MLPH: variants seen among roughly 807,000 people sequenced by gnomAD.
MLPH encodes melanophilin, also known as exophilin-3.
Under a neutral mutation model 72.1 loss-of-function variants are expected in MLPH, and 51 were observed. That is an observed-to-expected ratio of 0.71 (90% CI 0.56 to 0.89). MLPH has a LOEUF of 0.89. MLPH is among the 40% of genes least tolerant of loss of function. The probability of loss-of-function intolerance (pLI) is 0.00; values close to 1 mark genes in which losing one functional copy is unlikely to be tolerated. For missense variants in MLPH, 743 were observed against 759.9 expected, an observed-to-expected ratio of 0.98 and a Z score of 0.26; for synonymous variants, 301 against 310.1, an observed-to-expected ratio of 0.97 and a Z score of 0.31.
chr2:237,530,701 G>T (rs67192671), intron 8 of MLPH, among the ~76,000 whole-genome samples: 23,470 of 152,174 alleles, frequency 0.15, 2,034 homozygotes, highest in South Asian at 0.31. Context: ...TTATGGCCGC[G>T]TCACCCATTG....
chr2:237,541,276 A>C lies in MLPH; in HGVS notation c.1446+319A>C, dbSNP rs2080676106. On this transcript the variant is annotated intron_variant, in intron 11 of 15. Transcript: ENST00000264605. This position sits in a 1 kb window ranked among gnomAD's most constrained non-coding sequence, Gnocchi z 5.1. The stretch of plus-strand genomic sequence containing the variant: ...ATGGGGGCCTAGAAGCAGGCCTGGA[A>C]TTTAGGACAGCCCCAGACCTCAGCA... Among the ~76,000 whole-genome samples, 1 of 152,158 alleles carries C rather than the reference A, an allele frequency of 6.6e-6. No homozygotes were observed. The highest frequency in any genetic ancestry group is 2.4e-5 in the African/African-American group (1 of 41,430).
At chr2:237,553,071 T>G (rs2149169269) in intron 15 of MLPH, 1 of 467,828 alleles carries the variant, frequency 2.1e-6, no homozygotes, top group African/African-American at 2.0e-5. Flanking sequence ...GTTTTCCCAT[T>G]GGTTACTTGG....
In MLPH at chr2:237,541,894, A is replaced by G. The variant is rs1273222854; in HGVS notation, c.1447-673A>G. On this transcript the variant is annotated intron_variant, in intron 11 of 15. Transcript: ENST00000264605. This position sits in a 1 kb window ranked among gnomAD's most constrained non-coding sequence, Gnocchi z 5.1. Reference sequence around the variant, plus strand: ...TTGAGATAAGGCAGTCAGGAGGGATACTAGGAAAGTAAGCCAGCCTGGCAA... The same window carrying G: ...TTGAGATAAGGCAGTCAGGAGGGATGCTAGGAAAGTAAGCCAGCCTGGCAA... Among the ~76,000 whole-genome samples the G allele has an allele frequency of 6.6e-6, 1 of 152,260 alleles. No homozygotes were observed. Among genetic ancestry groups the G allele is most frequent in the African/African-American group, 2.4e-5 (1 of 41,476 alleles).
At chr2:237,551,386 G>A (rs773313387) in intron 14 of MLPH, among the ~76,000 whole-genome samples, 10 of 152,382 alleles carry the variant, frequency 6.6e-5, no homozygotes, top group South Asian at 2.1e-4. Context: ...GTTCTGTGGC[G>A]TAAATGCTCC....
chr2:237,492,741 G>T (rs989921378), intron 1 of MLPH, among the ~76,000 whole-genome samples: 1 of 152,172 alleles, frequency 6.6e-6, no homozygotes, highest in Non-Finnish European at 1.5e-5. Context: ...CAGGCATCAG[G>T]CTCATATGAC....
rs139236543 is a variant in MLPH at position 237,516,939 on chromosome 2, GGATAGGTGGATA to G, written c.446-1598_446-1587del. On this transcript the variant is annotated intron_variant, in intron 4 of 15. Transcript: ENST00000264605. ...AGGATGGATGGATGGATGGATGGAT[GGATAGGTGGATA>G]GGTGGATAGATAGGTGGATGGATGG... Among the ~76,000 whole-genome samples, 17 of 145,654 alleles carry G rather than the reference GGATAGGTGGATA, an allele frequency of 1.2e-4. 1 individual carries two copies. The East Asian group carries it at 1.8e-3, about 15-fold the overall frequency.
At chr2:237,525,064 G>A (rs927668594) in intron 6 of MLPH, among the ~76,000 whole-genome samples, 6 of 152,236 alleles carry the variant, frequency 3.9e-5, no homozygotes, top group Non-Finnish European at 5.9e-5. Context: ...ATTGCTTCTT[G>A]AAGCCCTCAG....
chr2:237,494,403 TG>T (rs2079493278), intron 2 of MLPH, among the ~76,000 whole-genome samples: 1 of 146,518 alleles, frequency 6.8e-6, no homozygotes, highest in South Asian at 2.2e-4. Context: ...ATGTAACAGG[TG>T]GGGGGCATGG....
At chr2:237,489,279 T>C (rs2079381666) in intron 1 of MLPH, among the ~76,000 whole-genome samples, 1 of 152,146 alleles carries the variant, frequency 6.6e-6, no homozygotes, top group Non-Finnish European at 1.5e-5. Flanking sequence ...TACCACCAAC[T>C]CCCCAGAGAA....
At position 237,488,937 on chromosome 2, in the gene MLPH, C is replaced by T. The variant is rs543854541; in HGVS notation, c.-25+1500C>T. On this transcript the variant is annotated intron_variant, in intron 1 of 15. Transcript: ENST00000264605. ...TTTTCAGAAGCAACCTCTGGAGGAACAGTCTTTGCCCCTACTCCTCCCCAC... is the reference window on the plus strand; with the variant it reads ...TTTTCAGAAGCAACCTCTGGAGGAATAGTCTTTGCCCCTACTCCTCCCCAC... Among the ~76,000 whole-genome samples the T allele has an allele frequency of 3.3e-5, 5 of 152,328 alleles. No individual in the cohort carries two copies. In the South Asian group the frequency reaches 1.0e-3, roughly 32 times the overall value.
chr2:237,495,559 G>A (rs140635076), intron 2 of MLPH, among the ~76,000 whole-genome samples: 3 of 152,178 alleles, frequency 2.0e-5, no homozygotes, highest in African/African-American at 7.2e-5. Flanking sequence ...TGCTGAACAG[G>A]GTCCGCAACA....
chr2:237,539,059 G>A (rs1449751229), intron 9 of MLPH, among the ~76,000 whole-genome samples: 9 of 152,264 alleles, frequency 5.9e-5, no homozygotes, highest in East Asian at 5.8e-4. Context: ...GGGTGGGCGC[G>A]CAGAGGCTGG....
chr2:237,519,185 G>T (rs2080122312), intron 5 of MLPH, among the ~76,000 whole-genome samples: 1 of 152,078 alleles, frequency 6.6e-6, no homozygotes, highest in Admixed American at 6.5e-5. Flanking sequence ...CTGGGTTTTG[G>T]GGTGGGAAGC....
intron 9 of MLPH, among the ~76,000 whole-genome samples, chr2:237,539,077 C>T (rs991696104): frequency 2.6e-5 from 4 of 151,974 alleles, no homozygotes; most frequent in Non-Finnish European, 5.9e-5. Flanking sequence ...TGGAGCCGGA[C>T]GTAGTGGCAG....
rs117918362 is a variant in MLPH, at chr2:237,489,126, T to C, written c.-25+1689T>C. ...CTTTCCCAGGTGGCTGGGCTGGCTG[T>C]GCCTGAACTGGGATGGGAACCCAGC... is the stretch of plus-strand genomic sequence containing the variant. On this transcript the variant is annotated intron_variant, in intron 1 of 15. Coordinates refer to ENST00000264605, the MANE Select transcript of MLPH (RefSeq NM_024101.7). Among the ~76,000 whole-genome samples the C allele has an allele frequency of 1.5e-3, 234 of 152,378 alleles. 4 individuals are homozygous for C. The East Asian group carries it at 0.04, about 26-fold the overall frequency.
chr2:237,494,036 C>T (rs1667776515), intron 2 of MLPH, among the ~76,000 whole-genome samples: 1 of 152,238 alleles, frequency 6.6e-6, no homozygotes, highest in South Asian at 2.1e-4. Context: ...CTTGTTCACT[C>T]TATCCACTGC....
chr2:237,538,376 C>T (rs1194058671), intron 9 of MLPH, among the ~76,000 whole-genome samples: 1 of 152,206 alleles, frequency 6.6e-6, no homozygotes, highest in East Asian at 1.9e-4. Context: ...GGTTTACACC[C>T]AAGGCGACAG....
intron 2 of MLPH, among the ~76,000 whole-genome samples, chr2:237,496,606 T>A (rs1454582070): frequency 1.3e-5 from 2 of 152,210 alleles, no homozygotes; most frequent in Admixed American, 1.3e-4. Context: ...GGGCCGCTGA[T>A]GGCCAGTTGG....
At chr2:237,504,609 C>G (rs2079724864) in intron 2 of MLPH, among the ~76,000 whole-genome samples, 1 of 152,216 alleles carries the variant, frequency 6.6e-6, no homozygotes, top group South Asian at 2.1e-4. Context: ...AGCCCTCAGC[C>G]TTGCAGAAGG....
Sources: allele counts gnomAD v4.1 joint callset (sites outside exome capture counted in the v4.1 genomes callset), GRCh38; gene constraint gnomAD v4.1.1; non-coding constraint Gnocchi (gnomAD v3.1); transcripts MANE v1.5; gene names NCBI Gene and HGNC (gene_info 2026-07-23, HGNC 2026-07-21).